FNDC3B: variants seen among roughly 807,000 people sequenced by gnomAD.
FNDC3B encodes the protein fibronectin type III domain-containing protein 3B.
FNDC3B carries 12 observed loss-of-function variants against 151.5 expected under a neutral mutation model. That is an observed-to-expected ratio of 0.08 (90% confidence interval 0.05 to 0.13). FNDC3B has a LOEUF of 0.13. Among genes scored for constraint, FNDC3B ranks in the 10% least tolerant of loss-of-function variants. The probability of loss-of-function intolerance (pLI) is 1.00; values close to 1 mark genes in which losing one functional copy is unlikely to be tolerated. For synonymous variants in FNDC3B, 528 were observed against 549.0 expected (o/e 0.96, Z 0.54); for missense variants, 1,214 against 1,505.3 (o/e 0.81, Z 3.20).
chr3:172,203,139 A>G lies in FNDC3B; in HGVS notation c.188-23732A>G, dbSNP rs187144107. 1.3e-3 allele frequency among the ~76,000 whole-genome samples: 202 copies of G among 152,344 alleles called. 3 individuals carry two copies. Among genetic ancestry groups the G allele is most frequent in the African/African-American group, 4.5e-3 (189 of 41,578 alleles). On this transcript the variant is annotated intron_variant, in intron 3 of 25. Coordinates refer to ENST00000415807, the MANE Select transcript of FNDC3B (RefSeq NM_022763.4). ...GAAGTGGGAATGAATACTTAGCAATAAAAATATGTGACAAGCTGTGGGCAC... is the reference window on the plus strand; with the variant it reads ...GAAGTGGGAATGAATACTTAGCAATGAAAATATGTGACAAGCTGTGGGCAC...
chr3:172,316,942 G>A (rs150722037), intron 11 of FNDC3B, among the ~76,000 whole-genome samples: 16 of 152,290 alleles, frequency 1.1e-4, no homozygotes, highest in African/African-American at 3.9e-4. Flanking sequence ...TCTGGCAAGG[G>A]CCTTCTTGCT....
chr3:172,314,441 G>C (rs1487515508), intron 11 of FNDC3B, among the ~76,000 whole-genome samples: 1 of 152,152 alleles, frequency 6.6e-6, no homozygotes, highest in Non-Finnish European at 1.5e-5. Flanking sequence ...TCTGGCACCT[G>C]GTCTGAGAAT....
intron 6 of FNDC3B, among the ~76,000 whole-genome samples, chr3:172,274,426 G>T (rs1425188592): frequency 6.6e-6 from 1 of 152,112 alleles, no homozygotes; most frequent in Non-Finnish European, 1.5e-5. Context: ...CCAAGAAGAA[G>T]TAGACTTGGA....
chr3:172,076,164 C>G (rs62283790), intron 1 of FNDC3B, among the ~76,000 whole-genome samples: 9,168 of 152,158 alleles, frequency 0.06, 411 homozygotes, highest in East Asian at 0.2. Flanking sequence ...AATCTAATCT[C>G]AAAATAAAAT....
intron 3 of FNDC3B, among the ~76,000 whole-genome samples, chr3:172,136,701 A>T (rs1721383047): frequency 6.6e-6 from 1 of 152,184 alleles, no homozygotes; most frequent in Admixed American, 6.5e-5. Context: ...ACTGGCCAAC[A>T]GGCGGGAGTG....
At chr3:172,261,177 G>T (rs1296525350) in intron 6 of FNDC3B, among the ~76,000 whole-genome samples, 1 of 152,156 alleles carries the variant, frequency 6.6e-6, no homozygotes, top group Non-Finnish European at 1.5e-5. Context: ...TGCGGAAGGG[G>T]TCAGCACTAG....
Position 172,067,402 on chromosome 3 carries a change from T to C in FNDC3B, c.-29+27631T>C, listed in dbSNP as rs115739759. On this transcript the variant is annotated intron_variant, in intron 1 of 25. Transcript: ENST00000415807. ...TGTCTGGCTTACTGTAAATCTGATC[T>C]GTGAGGCTTTTCTGCGTTCACTAAG... Among the ~76,000 whole-genome samples the C allele has an allele frequency of 7.3e-3, 1,107 of 152,306 alleles. 17 individuals are homozygous for C. Among genetic ancestry groups the C allele is most frequent in the African/African-American group, 0.026 (1,065 of 41,562 alleles).
chr3:172,123,458 G>T (rs1173748614), intron 2 of FNDC3B, among the ~76,000 whole-genome samples: 1 of 151,522 alleles, frequency 6.6e-6, no homozygotes, highest in Non-Finnish European at 1.5e-5. Flanking sequence ...ATGTTTTTGT[G>T]TTTTCTAAGC....
At position 172,292,709 on chromosome 3, in the gene FNDC3B, T is replaced by G. The variant is rs537102314; in HGVS notation, c.850-2654T>G. 6.6e-5 allele frequency among the ~76,000 whole-genome samples: 10 copies of G among 152,286 alleles called. No homozygotes were observed. The South Asian group carries it at 2.1e-3, about 32-fold the overall frequency. On this transcript the variant is annotated intron_variant, in intron 7 of 25. Coordinates refer to ENST00000415807, the MANE Select transcript of FNDC3B (RefSeq NM_022763.4). ...AGTGTTTTCCAGTACCTAATGAGCC[T>G]CCTTTTTTTCCAAGAAACCAAACTC...
intron 1 of FNDC3B, among the ~76,000 whole-genome samples, chr3:172,068,371 G>A (rs1490179386): frequency 6.7e-6 from 1 of 150,324 alleles, no homozygotes; most frequent in Non-Finnish European, 1.5e-5. Context: ...AATTAATTTT[G>A]TAGTTCTCCT....
intron 1 of FNDC3B, among the ~76,000 whole-genome samples, chr3:172,094,686 G>T (rs545009425): frequency 6.6e-6 from 1 of 152,022 alleles, no homozygotes; most frequent in East Asian, 1.9e-4. Flanking sequence ...GATAGTTCCT[G>T]CACATATCTG....
intron 23 of FNDC3B, among the ~76,000 whole-genome samples, chr3:172,376,860 A>G (rs1035878736): frequency 7.0e-5 from 10 of 141,882 alleles, no homozygotes; most frequent in South Asian, 6.7e-4. Flanking sequence ...AAAAAAAAAA[A>G]AAAAAGAAAG....
At chr3:172,098,105 A>C (rs1719181132) in intron 1 of FNDC3B, among the ~76,000 whole-genome samples, 1 of 152,098 alleles carries the variant, frequency 6.6e-6, no homozygotes, top group African/African-American at 2.4e-5. Context: ...GCCGTAAGAT[A>C]ACACTGTTGG....
intron 1 of FNDC3B, among the ~76,000 whole-genome samples, chr3:172,084,559 T>G (rs12635885): frequency 6.6e-6 from 1 of 151,600 alleles, no homozygotes; most frequent in East Asian, 1.9e-4. Flanking sequence ...ACCACTAAAA[T>G]AGTGTTATTA....
intron 6 of FNDC3B, among the ~76,000 whole-genome samples, chr3:172,255,256 A>C (rs1289411209): frequency 3.9e-5 from 6 of 152,050 alleles, no homozygotes. Context: ...CTGTCTCTGA[A>C]AGTTGCTTCC....
chr3:172,194,783 C>T (rs1167436412), intron 3 of FNDC3B, among the ~76,000 whole-genome samples: 1 of 152,204 alleles, frequency 6.6e-6, no homozygotes, highest in African/African-American at 2.4e-5. Context: ...GGGGCCTATA[C>T]ATTTAATGAG....
At chr3:172,307,706 A>C (rs1291044731) in intron 10 of FNDC3B, among the ~76,000 whole-genome samples, 1 of 152,202 alleles carries the variant, frequency 6.6e-6, no homozygotes, top group Non-Finnish European at 1.5e-5. Context: ...ATATAAGGTC[A>C]GTCTATAGCC....
intron 4 of FNDC3B, among the ~76,000 whole-genome samples, chr3:172,239,462 T>C (rs1156769368): frequency 6.6e-6 from 1 of 152,208 alleles, no homozygotes; most frequent in Non-Finnish European, 1.5e-5. Flanking sequence ...CAGTTTTCTG[T>C]GTCCAGGCAA....
At chr3:172,384,478 A>G (rs1735605891) in intron 25 of FNDC3B, among the ~76,000 whole-genome samples, 1 of 152,264 alleles carries the variant, frequency 6.6e-6, no homozygotes, top group Admixed American at 6.5e-5. Context: ...CAATGTGAAA[A>G]TGGTTAAAAT....
Sources: gnomAD v4.1 joint callset for allele counts (sites outside exome capture counted in the v4.1 genomes callset) on GRCh38, gnomAD v4.1.1 for gene constraint, MANE v1.5 for transcripts, NCBI Gene and HGNC (gene_info 2026-07-23, HGNC 2026-07-21) for gene names.